Variants in MROH2B observed in about 807,000 individuals in gnomAD.
MROH2B encodes the protein maestro heat-like repeat-containing protein family member 2B.
MROH2B carries 177 observed loss-of-function variants against 208.6 expected under a neutral mutation model. The observed-to-expected ratio is 0.85, with a 90% CI of 0.75 to 0.96. MROH2B has a LOEUF of 0.96. Ranked by LOEUF, MROH2B falls within the 40% of genes least tolerant of loss-of-function variation. The pLI is 0.00. For synonymous variants in MROH2B, 728 were observed against 659.0 expected, an observed-to-expected ratio of 1.10 and a Z score of -1.60; for missense variants, 2,002 against 1,878.7, an observed-to-expected ratio of 1.07 and a Z score of -1.21.
At chr5:41,057,836 G>A (rs999160276) in intron 7 of MROH2B, among the ~76,000 whole-genome samples, 1 of 151,934 alleles carries the variant, frequency 6.6e-6, no homozygotes, top group Non-Finnish European at 1.5e-5. Flanking sequence ...TGAAATTACA[G>A]TTGTGAGCCA....
chr5:41,057,079 T>C (rs1409466826), intron 9 of MROH2B, 30 bp downstream of exon 9: 2 of 1,611,722 alleles, frequency 1.2e-6, no homozygotes, highest in South Asian at 1.1e-5. Context: ...GGGACATTTT[T>C]ATTAAAAGCC....
chr5:41,027,778 G>T, intron 24 of MROH2B, among the ~76,000 whole-genome samples: 1 of 152,138 alleles, frequency 6.6e-6, no homozygotes, highest in Non-Finnish European at 1.5e-5. Flanking sequence ...GCAAAGACTT[G>T]GAACCAACCC....
At chr5:41,002,960 G>GTTTTTTT (rs1741447532) in intron 37 of MROH2B, among the ~76,000 whole-genome samples, 1 of 135,054 alleles carries the variant, frequency 7.4e-6, no homozygotes, top group African/African-American at 2.8e-5. Flanking sequence ...ATTAAAAATT[G>GTTTTTTT]CTTTTTTTTT....
chr5:41,064,626 T>G, intron 4 of MROH2B, 56 bp from the exon 5 acceptor site: 2 of 1,336,286 alleles, frequency 1.5e-6, no homozygotes, highest in Non-Finnish European at 2.1e-6. Context: ...AATTTGGGGT[T>G]CTGTGACTCC....
chr5:41,058,243 T>G (rs1343048359), intron 6 of MROH2B, 40 bp from the exon 7 acceptor site: 2 of 1,447,122 alleles, frequency 1.4e-6, no homozygotes, highest in African/African-American at 2.9e-5. Context: ...TGAAACTTCC[T>G]TATGTTTTTC....
Position 41,018,956 on chromosome 5 carries a change from C to A in MROH2B, c.2504G>T (p.Arg835Met). Residue 835 changes from arginine to methionine, a missense_variant, in exon 25 of 42, where the codon AGG (arginine) becomes ATG (methionine). Physicochemically the swap from Arg to Met is moderately conservative, Grantham distance 91. Coordinates refer to ENST00000399564, the MANE Select transcript of MROH2B (RefSeq NM_173489.5). ...TTCCAGAGGTGGAAGGGGCAGCAGCCTCCGAATATTCTCCTCAAGAATGTT... is the reference window on the plus strand; with the variant it reads ...TTCCAGAGGTGGAAGGGGCAGCAGCATCCGAATATTCTCCTCAAGAATGTT... ...HLNILEENIR[R>M]LLPLPPLENL... 6.2e-7 allele frequency: 1 copy of A among 1,613,844 alleles called. No homozygotes were observed.
chr5:41,000,137 C>A (rs1741339669), intron 39 of MROH2B, 83 bp downstream of exon 39: 5 of 1,554,898 alleles, frequency 3.2e-6, no homozygotes, highest in Non-Finnish European at 4.3e-6. Flanking sequence ...GCCAGAAATT[C>A]CTTGCTACAT....
rs747088346 is a variant in MROH2B, at chr5:41,008,842, G to A, written c.3421-49C>T. On this transcript the variant is annotated intron_variant, in intron 32 of 41. Transcript: ENST00000399564. ...GTCAGGCAGTCTCATTTTCTCCAAG[G>A]CCATCTTCTCTCTGGGCTGATTTTC... The A allele has an allele frequency of 7.1e-6, 11 of 1,539,598 alleles. No homozygotes were observed. In the Admixed American group the frequency reaches 9.6e-5, roughly 13 times the overall value.
intron 35 of MROH2B, 174 bp downstream of exon 35, chr5:41,005,357 C>T (rs1741543141): frequency 3.5e-6 from 2 of 578,266 alleles, no homozygotes; most frequent in Non-Finnish European, 6.1e-6. Context: ...ATTTTCCTCT[C>T]TCACCCCCTG....
chr5:41,064,363 A>G (rs1743732398), intron 5 of MROH2B, 109 bp downstream of exon 5: 1 of 845,352 alleles, frequency 1.2e-6, no homozygotes. Context: ...AGCTATTATT[A>G]TTCAAAAGGA....
At chr5:41,024,842 A>T (rs2150161614) in intron 24 of MROH2B, among the ~76,000 whole-genome samples, 1 of 152,336 alleles carries the variant, frequency 6.6e-6, no homozygotes, top group East Asian at 1.9e-4. Context: ...TGTCTCTCAG[A>T]TCACAGTGCA....
intron 18 of MROH2B, among the ~76,000 whole-genome samples, chr5:41,044,878 G>T (rs774856282): frequency 1.3e-5 from 2 of 152,164 alleles, no homozygotes; most frequent in Non-Finnish European, 2.9e-5. Context: ...ACTTTTATAT[G>T]GAGCACATGC....
chr5:41,053,647 A>G (rs932126377), intron 11 of MROH2B, among the ~76,000 whole-genome samples: 12 of 152,236 alleles, frequency 7.9e-5, no homozygotes, highest in African/African-American at 2.9e-4. Context: ...GAGAAGAGGT[A>G]CACCTTTTCT....
In MROH2B at chr5:41,018,336, C is replaced by T. The variant is rs1403912204; in HGVS notation, c.2763+5G>A. ...AAAGTCTATTCATTCTAGGGGATTA[C>T]TTACCTCAATATCATTTGTCAGCAC... On this transcript the variant is annotated splice_donor_5th_base_variant and intron_variant, in intron 27 of 41. Transcript: ENST00000399564. 1 of 1,610,768 alleles carries T rather than the reference C, an allele frequency of 6.2e-7. No homozygotes were observed. Among genetic ancestry groups the T allele is most frequent in the South Asian group, 1.1e-5 (1 of 90,192 alleles).
chr5:41,030,214 T>C (rs540191577), intron 24 of MROH2B, among the ~76,000 whole-genome samples: 16 of 152,068 alleles, frequency 1.1e-4, no homozygotes, highest in Admixed American at 2.0e-4. Flanking sequence ...TGAAATGATG[T>C]TTGACATCAC....
At position 41,049,081 on chromosome 5, in the gene MROH2B, G is replaced by C. The variant is rs780975948; in HGVS notation, c.1542+20C>G. The C allele has an allele frequency of 1.3e-6, 2 of 1,583,520 alleles. No homozygotes were observed. The highest frequency in any genetic ancestry group is 2.3e-5 in the East Asian group (1 of 44,012). ...ATCAGCTTAAATTTGTTCTACTTTG[G>C]TTCTTAGTAACTCACTCACCAGAAG... On this transcript the variant is annotated intron_variant, in intron 15 of 41. Transcript: ENST00000399564.
At chr5:41,070,538 T>G (rs766301036) in intron 1 of MROH2B, among the ~76,000 whole-genome samples, 7 of 152,168 alleles carry the variant, frequency 4.6e-5, no homozygotes, top group Non-Finnish European at 8.8e-5. Context: ...ACTCTTCTAG[T>G]ATTTAAAATT....
intron 39 of MROH2B, chr5:41,000,012 T>C: frequency 1.4e-6 from 1 of 709,448 alleles, no homozygotes; most frequent in Non-Finnish European, 2.3e-6. Context: ...GGAGAATATA[T>C]CCCAGTCAGG....
intron 9 of MROH2B, 39 bp from the exon 10 acceptor site, chr5:41,055,894 C>T (rs1346578279): frequency 2.8e-6 from 4 of 1,426,860 alleles, no homozygotes; most frequent in Non-Finnish European, 4.0e-6. Context: ...AACTCATTTT[C>T]ATCCTAGGTA....
Sources: gnomAD v4.1 joint callset for allele counts (sites outside exome capture counted in the v4.1 genomes callset) on GRCh38, gnomAD v4.1.1 for gene constraint, MANE v1.5 for transcripts, NCBI Gene and HGNC (gene_info 2026-07-23, HGNC 2026-07-21) for gene names.